The following GRIN2A variants were observed in gnomAD, a reference collection of about 807,000 sequenced individuals.
GRIN2A encodes glutamate receptor ionotropic, NMDA 2A.
GRIN2A carries 22 observed loss-of-function variants against 113.4 expected under a neutral mutation model. The observed-to-expected ratio is 0.19, with a 90% CI of 0.14 to 0.28. The LOEUF (loss-of-function observed/expected upper bound fraction) is 0.28. Ranked by LOEUF, GRIN2A falls within the 10% of genes least tolerant of loss-of-function variation. The pLI is 1.00. For synonymous variants in GRIN2A, 827 were observed against 738.4 expected (o/e 1.12, Z -1.94); for missense variants, 1,502 against 1,887.0 (o/e 0.80, Z 3.78).
At chr16:10,002,112 C>A (rs1476742970) in intron 2 of GRIN2A, among the ~76,000 whole-genome samples, 2 of 152,184 alleles carry the variant, frequency 1.3e-5, no homozygotes, top group African/African-American at 4.8e-5. Flanking sequence ...ACCAGGTGAA[C>A]CTTGAGAAAT....
intron 3 of GRIN2A, among the ~76,000 whole-genome samples, chr16:9,894,246 T>A (rs2043758538): frequency 6.6e-6 from 1 of 152,090 alleles, no homozygotes; most frequent in African/African-American, 2.4e-5. Flanking sequence ...CTGCAGAGGA[T>A]CCCTGAAGCC....
rs1900604103 is a variant in GRIN2A, at chr16:9,761,976, T to G, written c.*1173A>C. On this transcript the variant is annotated 3_prime_UTR_variant, in exon 13 of 13. Coordinates refer to ENST00000330684, the MANE Select transcript of GRIN2A (RefSeq NM_001134407.3). ...GCCTCGTGTTTTGAAGGCTTTTGAT[T>G]TGAGGAGTTTGGGGTGGAAGTGAGT... 1 of 199,616 alleles carries G rather than the reference T, an allele frequency of 5.0e-6. No homozygotes were observed. Among genetic ancestry groups the G allele is most frequent in the African/African-American group, 2.3e-5 (1 of 43,418 alleles). 12.4% of individuals were successfully genotyped at this position (199,616 alleles called of 1,614,324 possible).
chr16:9,970,635 T>TA (rs1048531057), intron 2 of GRIN2A: 46 of 276,094 alleles, frequency 1.7e-4, no homozygotes, highest in African/African-American at 7.1e-4. Flanking sequence ...ACTGTGAATT[T>TA]AAAAAAAATC....
intron 4 of GRIN2A, among the ~76,000 whole-genome samples, chr16:9,865,297 C>T (rs1271554025): frequency 2.0e-5 from 3 of 152,112 alleles, no homozygotes; most frequent in South Asian, 2.1e-4. Flanking sequence ...AACCCACCAC[C>T]GTCAATCCAA....
At chr16:10,040,311 A>T (rs1308472186) in intron 2 of GRIN2A, among the ~76,000 whole-genome samples, 1 of 149,998 alleles carries the variant, frequency 6.7e-6, no homozygotes, top group Non-Finnish European at 1.5e-5. Context: ...CAAATACACA[A>T]CACACATCCA....
chr16:10,044,178 G>A (rs28376302), intron 2 of GRIN2A, among the ~76,000 whole-genome samples: 4,741 of 151,562 alleles, frequency 0.031, 274 homozygotes, highest in African/African-American at 0.11. Context: ...TCCCGCCTCC[G>A]TCTCGCCACC....
intron 2 of GRIN2A, among the ~76,000 whole-genome samples, chr16:10,006,387 G>A (rs570304033): frequency 2.0e-5 from 3 of 152,170 alleles, no homozygotes; most frequent in Admixed American, 2.0e-4. Flanking sequence ...GAGATAGAGA[G>A]TGCTAAGGGG....
In GRIN2A at chr16:9,840,813, CAA is replaced by C. The variant is rs745951746; in HGVS notation, c.1498-15_1498-14del. ...GTTGATAGACCACCTGGATGCAAGG[CAA>C]AAAAAAAAAAAAAAAAAAGAGAGAG... On this transcript the variant is annotated splice_polypyrimidine_tract_variant and intron_variant, in intron 6 of 12. Coordinates refer to ENST00000330684, the MANE Select transcript of GRIN2A (RefSeq NM_001134407.3). 0.06 allele frequency: 58,778 copies of C among 984,264 alleles called. No homozygotes were observed. Among genetic ancestry groups the C allele is most frequent in the Middle Eastern group, 0.078 (282 of 3,610 alleles). 61.0% of individuals were successfully genotyped at this position (984,264 alleles called of 1,614,324 possible).
intron 2 of GRIN2A, among the ~76,000 whole-genome samples, chr16:9,994,654 G>T (rs2046188554): frequency 6.6e-6 from 1 of 152,160 alleles, no homozygotes; most frequent in Non-Finnish European, 1.5e-5. Context: ...GGCAGGGAAG[G>T]GTTTGAATAC....
chr16:9,982,297 G>A lies in GRIN2A; in HGVS notation c.415-43746C>T, dbSNP rs186515109. On this transcript the variant is annotated intron_variant, in intron 2 of 12. Coordinates refer to ENST00000330684, the MANE Select transcript of GRIN2A (RefSeq NM_001134407.3). Reference sequence around the variant, plus strand: ...TTATTTTGCCAGGAATACTTCATAAGTGATGTGTGTACTTTCTTTAAAAAA... The same window carrying A: ...TTATTTTGCCAGGAATACTTCATAAATGATGTGTGTACTTTCTTTAAAAAA... Among the ~76,000 whole-genome samples the A allele has an allele frequency of 3.9e-5, 6 of 152,288 alleles. No individual in the cohort carries two copies. In the East Asian group the frequency reaches 1.2e-3, roughly 29 times the overall value.
At chr16:10,168,456 G>C (rs902790802) in intron 2 of GRIN2A, among the ~76,000 whole-genome samples, 15 of 152,126 alleles carry the variant, frequency 9.9e-5, no homozygotes, top group African/African-American at 3.6e-4. Context: ...AAGGATTTGA[G>C]AGGTACAGAG....
intron 9 of GRIN2A, among the ~76,000 whole-genome samples, chr16:9,826,916 C>T (rs1390336601): frequency 6.6e-6 from 1 of 152,180 alleles, no homozygotes; most frequent in Non-Finnish European, 1.5e-5. Flanking sequence ...TTGAACATAG[C>T]AACAAAAAGC....
At chr16:9,896,589 C>T (rs1199576245) in intron 3 of GRIN2A, among the ~76,000 whole-genome samples, 1 of 152,074 alleles carries the variant, frequency 6.6e-6, no homozygotes, top group East Asian at 1.9e-4. Flanking sequence ...TTTCTGTGTT[C>T]CTCTAAGATT....
intron 2 of GRIN2A, among the ~76,000 whole-genome samples, chr16:10,120,268 C>T (rs1228517463): frequency 6.6e-6 from 1 of 152,148 alleles, no homozygotes; most frequent in African/African-American, 2.4e-5. Flanking sequence ...TGGACTGCTA[C>T]CTGCATTTAG....
chr16:10,179,521 C>T (rs962664345), intron 2 of GRIN2A: 1 of 181,914 alleles, frequency 5.5e-6, no homozygotes, highest in Non-Finnish European at 1.2e-5. Flanking sequence ...CCAGAACCTA[C>T]CCACATTTAA....
chr16:10,053,128 T>C (rs1221719874), intron 2 of GRIN2A, among the ~76,000 whole-genome samples: 3 of 151,988 alleles, frequency 2.0e-5, no homozygotes, highest in African/African-American at 7.3e-5. Flanking sequence ...CTAGTAATTC[T>C]GCCACTGTTC....
At chr16:10,167,961 GA>G (rs1488639545) in intron 2 of GRIN2A, among the ~76,000 whole-genome samples, 1 of 152,146 alleles carries the variant, frequency 6.6e-6, no homozygotes, top group Non-Finnish European at 1.5e-5. Context: ...TTTGTCAACT[GA>G]AAAACCAGAG....
chr16:9,790,693 C>G (rs1047306223), intron 11 of GRIN2A, among the ~76,000 whole-genome samples: 5 of 152,122 alleles, frequency 3.3e-5, no homozygotes, highest in Admixed American at 1.3e-4. Flanking sequence ...TACCTCCTTG[C>G]ATCTCTCTCT....
chr16:10,115,095 A>C (rs1408168391), intron 2 of GRIN2A, among the ~76,000 whole-genome samples: 1 of 152,206 alleles, frequency 6.6e-6, no homozygotes, highest in Non-Finnish European at 1.5e-5. Flanking sequence ...CCCTGCTTAA[A>C]ATGTGCTGCT....
Sources: allele counts gnomAD v4.1 joint callset (sites outside exome capture counted in the v4.1 genomes callset), GRCh38; gene constraint gnomAD v4.1.1; transcripts MANE v1.5; gene names NCBI Gene and HGNC (gene_info 2026-07-23, HGNC 2026-07-21).